Variants in BTD observed in about 807,000 individuals in gnomAD.
The protein encoded by BTD is biocytinase.
In BTD, 13 loss-of-function variants were observed where a neutral mutation model predicts 17.7. The observed-to-expected ratio is 0.74, with a 90% CI of 0.48 to 1.17. The LOEUF is 1.17. BTD is among the 50% of genes most tolerant of loss of function. The pLI, the probability that BTD is intolerant of heterozygous loss-of-function variation, is 0.00. For synonymous variants in BTD, 240 were observed against 245.2 expected (o/e 0.98, Z 0.20); for missense variants, 674 against 650.4 (o/e 1.04, Z -0.39).
rs1030472877 is a variant in BTD at position 15,615,264 on chromosome 3, A to G, written c.-17+13370A>G. ...GTGAGTTTTTGAATCATGAACCCAC[A>G]TAAGGAAAACCTTTGATTATGTTGG... On this transcript the variant is annotated intron_variant, in intron 1 of 3. Coordinates refer to ENST00000643237, the MANE Select transcript of BTD (RefSeq NM_001370658.1). Among the ~76,000 whole-genome samples the G allele has an allele frequency of 3.9e-5, 6 of 152,338 alleles. No individual in the cohort carries two copies. The South Asian group carries it at 6.2e-4, about 16-fold the overall frequency.
chr3:15,686,222 T>C, intron 3 of BTD: 1 of 1,591,122 alleles, frequency 6.3e-7, no homozygotes, highest in South Asian at 1.1e-5. Context: ...CGAAACTTAC[T>C]GTCCATTTCC....
At chr3:15,693,253 T>C (rs928043356) in intron 3 of BTD, among the ~76,000 whole-genome samples, 4 of 152,142 alleles carry the variant, frequency 2.6e-5, no homozygotes. Flanking sequence ...CGTTTTATGC[T>C]ATGTTTTCTT....
chr3:15,685,249 G>C, intron 3 of BTD: 2 of 1,613,950 alleles, frequency 1.2e-6, no homozygotes, highest in East Asian at 2.2e-5. Flanking sequence ...CCAGTGAAGT[G>C]CCGTATATCC....
intron 1 of BTD, chr3:15,632,771 C>G (rs969259206): frequency 6.6e-6 from 1 of 152,572 alleles, no homozygotes; most frequent in African/African-American, 2.4e-5. Flanking sequence ...AGCCCTACCT[C>G]TAGTCCTGCC....
At chr3:15,609,500 G>T (rs2064553710) in intron 1 of BTD, among the ~76,000 whole-genome samples, 2 of 152,134 alleles carry the variant, frequency 1.3e-5, no homozygotes, top group African/African-American at 4.8e-5. Context: ...CAAGGTGGAG[G>T]TCATCATCAT....
intron 3 of BTD, chr3:15,677,109 T>C: frequency 1.4e-6 from 2 of 1,396,174 alleles, no homozygotes; most frequent in Non-Finnish European, 2.0e-6. Context: ...AAAGATACAT[T>C]TATACACCCA....
intron 3 of BTD, among the ~76,000 whole-genome samples, chr3:15,688,174 C>T (rs1201966387): frequency 6.6e-6 from 1 of 152,198 alleles, no homozygotes; most frequent in Non-Finnish European, 1.5e-5. Context: ...TGCAACCACT[C>T]CATGCAAGCT....
intron 3 of BTD, among the ~76,000 whole-genome samples, chr3:15,699,878 T>G (rs1223491673): frequency 6.6e-6 from 1 of 152,192 alleles, no homozygotes; most frequent in Non-Finnish European, 1.5e-5. Flanking sequence ...AGCCATCCCA[T>G]TACTGGGTAT....
chr3:15,702,073 C>G (rs558782678), intron 3 of BTD, among the ~76,000 whole-genome samples: 1 of 152,146 alleles, frequency 6.6e-6, no homozygotes, highest in Admixed American at 6.5e-5. Flanking sequence ...TTTTGCTAAA[C>G]AATATAAATT....
In BTD at chr3:15,627,744, G is replaced by GAGCGAAATAA. The variant is rs1440288611; in HGVS notation, c.-16-7680_-16-7679insAGCGAAATAA. On this transcript the variant is annotated intron_variant, in intron 1 of 3. Transcript: ENST00000643237. ...TTTGTTTTGTTTTGTTTTTTGAGAT[G>GAGCGAAATAA]GAGTTTCGCTCTTATTGCCCAGGCT... Among the ~76,000 whole-genome samples, 5 of 152,112 alleles carry GAGCGAAATAA rather than the reference G, an allele frequency of 3.3e-5. No individual in the cohort carries two copies. In the South Asian group the frequency reaches 6.2e-4, roughly 19 times the overall value.
chr3:15,625,195 T>A (rs769102006), intron 1 of BTD, among the ~76,000 whole-genome samples: 2 of 152,330 alleles, frequency 1.3e-5, no homozygotes, highest in African/African-American at 4.8e-5. Context: ...TCTTTAGGGA[T>A]CTTTAGGGAG....
chr3:15,720,097 C>G (rs1441774097), intron 4 of BTD, among the ~76,000 whole-genome samples: 1 of 152,076 alleles, frequency 6.6e-6, no homozygotes, highest in African/African-American at 2.4e-5. Context: ...TTCCTAGGCT[C>G]AAGTGATCCT....
Position 15,700,829 on chromosome 3 carries a change from A to G in BTD, c.400-9231A>G, listed in dbSNP as rs187804871. On this transcript the variant is annotated intron_variant, in intron 3 of 3. Coordinates refer to the BTD transcript ENST00000672141. ...ATTTTAATACATTTTATTACAGCAG[A>G]AAAAAAAAGCACTGAAATAGCACTG... Among the ~76,000 whole-genome samples, 455 of 151,612 alleles carry G rather than the reference A, an allele frequency of 3.0e-3. 2 individuals carry two copies. Among genetic ancestry groups the G allele is most frequent in the African/African-American group, 0.01 (432 of 41,348 alleles).
intron 1 of BTD, among the ~76,000 whole-genome samples, chr3:15,617,211 C>G (rs1009906318): frequency 6.6e-6 from 1 of 152,158 alleles, no homozygotes; most frequent in African/African-American, 2.4e-5. Flanking sequence ...GGATAACATT[C>G]CTTTATCTGA....
intron 3 of BTD, among the ~76,000 whole-genome samples, chr3:15,693,619 G>A (rs1431713527): frequency 6.6e-6 from 1 of 152,116 alleles, no homozygotes; most frequent in African/African-American, 2.4e-5. Flanking sequence ...TGCTGCTGCT[G>A]CTGCTGCTAA....
At chr3:15,625,583 G>T (rs993924436) in intron 1 of BTD, among the ~76,000 whole-genome samples, 1 of 152,150 alleles carries the variant, frequency 6.6e-6, no homozygotes, top group African/African-American at 2.4e-5. Flanking sequence ...TTGAGACGGA[G>T]TCTCACTCTC....
intron 1 of BTD, among the ~76,000 whole-genome samples, chr3:15,632,096 G>T (rs967367071): frequency 6.6e-6 from 1 of 152,034 alleles, no homozygotes; most frequent in Admixed American, 6.5e-5. Context: ...CTCTCACCTC[G>T]CAGACCCACG....
chr3:15,688,091 G>A (rs1559337975), intron 3 of BTD, among the ~76,000 whole-genome samples: 3 of 152,162 alleles, frequency 2.0e-5, no homozygotes, highest in African/African-American at 2.4e-5. Flanking sequence ...GATTTATGCT[G>A]AACTATATGG....
intron 1 of BTD, among the ~76,000 whole-genome samples, chr3:15,621,090 T>C (rs959752078): frequency 6.6e-6 from 1 of 152,256 alleles, no homozygotes; most frequent in Admixed American, 6.5e-5. Context: ...ACTTGCTTTT[T>C]CTGTTTTCGT....
Sources: allele counts gnomAD v4.1 joint callset (sites outside exome capture counted in the v4.1 genomes callset), GRCh38; gene constraint gnomAD v4.1.1; transcripts MANE v1.5; gene names NCBI Gene and HGNC (gene_info 2026-07-23, HGNC 2026-07-21).